Variants in RIF1 observed in about 807,000 individuals in gnomAD.
The protein encoded by RIF1 is telomere-associated protein RIF1.
Under a neutral mutation model 247.1 loss-of-function variants are expected in RIF1, and 45 were observed. The observed-to-expected ratio is 0.18, with a 90% CI of 0.14 to 0.23. The LOEUF is 0.23. Among genes scored for constraint, RIF1 ranks in the 10% least tolerant of loss-of-function variants. The pLI, the probability that RIF1 is intolerant of heterozygous loss-of-function variation, is 1.00. For missense variants in RIF1, 2,967 were observed against 2,862.5 expected, an observed-to-expected ratio of 1.04 and a Z score of -0.83; for synonymous variants, 1,087 against 978.8, an observed-to-expected ratio of 1.11 and a Z score of -2.06.
downstream of RIF1, chr2:151,512,606 A>T (rs763692093): frequency 3.9e-5 from 30 of 764,372 alleles, no homozygotes; most frequent in Non-Finnish European, 6.3e-5. Flanking sequence ...GAGCCACTGC[A>T]CCTGGTGAAT....
At position 151,458,898 on chromosome 2, in the gene RIF1, A is replaced by C; in HGVS notation, c.2943A>C (p.Pro981=). 2 of 1,594,918 alleles carry C rather than the reference A, an allele frequency of 1.3e-6. 1 individual carries two copies. Among genetic ancestry groups the C allele is most frequent in the South Asian group, 2.2e-5 (2 of 89,446 alleles). ...TVEMMEESSG[P]YSDGTENSQL... is the part of the protein sequence containing the mutation. ...AAATGATGGAGGAATCCAGTGGACC[A>C]TATTCTGATGGAGTAAGTTGGGGGG... Residue 981 remains proline, a synonymous_variant, in exon 25 of 36, where the codon CCA becomes CCC. Transcript: ENST00000444746.
Position 151,464,317 on chromosome 2 carries a change from T to G in RIF1, c.4797T>G (p.Asn1599Lys). ...VVKQECIKAE[N>K]QSHDYKATSE... ...AACAGGAATGTATAAAAGCTGAAAA[T>G]CAGTCACATGATTATAAAGCAACTT... is the stretch of plus-strand genomic sequence containing the variant. Residue 1599 changes from asparagine (N) to lysine (K), a missense_variant, in exon 30 of 36, where the codon AAT becomes AAG. Physicochemically the swap from Asn to Lys is moderately conservative, Grantham distance 94 (BLOSUM62 0). Around this residue, in one of 7 missense-constraint regions of RIF1, gnomAD observed 2,028 missense variants for 1,825.6 expected, o/e 1.11. Coordinates refer to ENST00000444746, the MANE Select transcript of RIF1 (RefSeq NM_018151.5). The G allele has an allele frequency of 6.2e-7, 1 of 1,611,480 alleles. No homozygotes were observed. Among genetic ancestry groups the G allele is most frequent in the Non-Finnish European group, 8.5e-7 (1 of 1,179,434 alleles).
rs749100154 is a variant in RIF1, at chr2:151,503,466, A to C, written c.*861+281A>C. 7 of 1,505,198 alleles carry C rather than the reference A, an allele frequency of 4.7e-6. No homozygotes were observed. The African/African-American group carries it at 9.6e-5, about 21-fold the overall frequency. 93.2% of individuals were successfully genotyped at this position (1,505,198 alleles called of 1,614,324 possible). On this transcript the variant is annotated intron_variant and NMD_transcript_variant, in intron 12 of 13. Coordinates refer to the RIF1 transcript ENST00000454583. ...CCTGTAGAAAATAATTAGAATACCC[A>C]GAAAGGTAAAATGACCGTAAATCCT...
At chr2:151,501,727 T>C (rs1272047264) in intron 11 of RIF1, among the ~76,000 whole-genome samples, 6 of 152,084 alleles carry the variant, frequency 3.9e-5, no homozygotes, top group Admixed American at 2.6e-4. Flanking sequence ...GTGGCTTGAC[T>C]TATGTAGGCC....
the RIF1 span, chr2:151,514,453 A>C: frequency 6.6e-7 from 1 of 1,526,532 alleles, no homozygotes; most frequent in Non-Finnish European, 9.1e-7. Flanking sequence ...AAAAGCAACA[A>C]CATTGACAAG....
chr2:151,482,836 T>G (rs1159012118), downstream of RIF1, among the ~76,000 whole-genome samples: 1 of 152,124 alleles, frequency 6.6e-6, no homozygotes, highest in Non-Finnish European at 1.5e-5. Flanking sequence ...GTTTGTTCCT[T>G]CTAAGGACTG....
At position 151,464,157 on chromosome 2, in the gene RIF1, T is replaced by C. The variant is rs772176617; in HGVS notation, c.4637T>C (p.Leu1546Pro). 3.1e-6 allele frequency: 5 copies of C among 1,609,622 alleles called. No homozygotes were observed. The African/African-American group carries it at 5.4e-5, about 17-fold the overall frequency. The stretch of plus-strand genomic sequence containing the variant: ...ACTAGAAGAGCATCTCAGGGTTTGC[T>C]TTCCAGCATTGAAAACTCAGAATCT... ...YQTRRASQGLLSSIENSESDS... is the reference protein window; with the variant it reads ...YQTRRASQGLPSSIENSESDS... The change falls in exon 30 of 36, where the codon CTT (leucine) becomes CCT (proline). Residue 1546 changes from leucine (L) to proline (P), a missense_variant. By Grantham distance (98) the Leu-to-Pro change is moderately conservative (BLOSUM62 -3). Coordinates refer to ENST00000444746, the MANE Select transcript of RIF1 (RefSeq NM_018151.5).
chr2:151,511,728 A>C (rs1007597585), downstream of RIF1, among the ~76,000 whole-genome samples: 1 of 152,194 alleles, frequency 6.6e-6, no homozygotes, highest in African/African-American at 2.4e-5. Context: ...AGGATGGCCT[A>C]CTTTTCTTCA....
intron 34 of RIF1, among the ~76,000 whole-genome samples, chr2:151,472,065 C>T (rs541847947): frequency 6.6e-6 from 1 of 152,232 alleles, no homozygotes; most frequent in African/African-American, 2.4e-5. Context: ...GTTTGTAGTT[C>T]TCCTTGAAGA....
intron 29 of RIF1, 23 bp downstream of exon 29, chr2:151,462,489 TG>T: frequency 6.6e-7 from 1 of 1,516,476 alleles, no homozygotes; most frequent in Admixed American, 1.9e-5. Context: ...TTTCATATTT[TG>T]GGCTTTTTAG....
At chr2:151,429,407 C>T (rs1293608208) in intron 9 of RIF1, among the ~76,000 whole-genome samples, 2 of 152,346 alleles carry the variant, frequency 1.3e-5, no homozygotes, top group Non-Finnish European at 2.9e-5. Flanking sequence ...TCTGGAACTC[C>T]TGACCTCAAG....
intron 3 of RIF1, among the ~76,000 whole-genome samples, chr2:151,414,545 C>T (rs560122639): frequency 1.1e-4 from 17 of 152,310 alleles, no homozygotes; most frequent in African/African-American, 4.1e-4. Flanking sequence ...TCTTTAGCAT[C>T]TTTCATCTGT....
rs2049019220 is a variant in RIF1 at position 151,478,189 on chromosome 2, G to A, written c.*3118G>A. On this transcript the variant is annotated 3_prime_UTR_variant, in exon 36 of 36. Transcript: ENST00000444746. ...TAAAGGATGAATCAGGTTAAATAAT[G>A]CTGTTGGATAATACAGGCAAAAACA... is the stretch of plus-strand genomic sequence containing the variant. 1 of 152,158 alleles carries A rather than the reference G, an allele frequency of 6.6e-6. No individual in the cohort carries two copies. The highest frequency in any genetic ancestry group is 6.5e-5 in the Admixed American group (1 of 15,278). 9.4% of individuals were successfully genotyped at this position (152,158 alleles called of 1,614,324 possible). A position where few individuals can be genotyped will look rare whatever the true frequency, so the allele number is the denominator to read the frequency against.
At chr2:151,419,418 C>T (rs1241738989) in intron 6 of RIF1, among the ~76,000 whole-genome samples, 7 of 151,926 alleles carry the variant, frequency 4.6e-5, no homozygotes, top group South Asian at 2.1e-4. Context: ...CTCCGCCTCC[C>T]GGGTTCAAGC....
Position 151,455,024 on chromosome 2 carries a change from A to T in RIF1, c.2474A>T (p.Asp825Val). 6.2e-7 allele frequency: 1 copy of T among 1,613,866 alleles called. No homozygotes were observed. Among genetic ancestry groups the T allele is most frequent in the Non-Finnish European group, 8.5e-7 (1 of 1,179,858 alleles). ...CTGAGCTTCAAGGAAGCACATTCTG[A>T]TACCCTCTTCACTATTGGCAACTCA... The part of the protein sequence containing the change: ...HTLSFKEAHS[D>V]TLFTIGNSIT... Residue 825 changes from aspartate (D) to valine (V), a missense_variant, in exon 22 of 36, where the codon GAT becomes GTT. By Grantham distance (152) the Asp-to-Val change is radical (BLOSUM62 -3). This residue lies in a region of RIF1 where 2,028 missense variants were observed against 1,825.6 expected (regional missense o/e 1.11). Transcript: ENST00000444746.
At chr2:151,438,487 C>G (rs1166009395) in intron 13 of RIF1, among the ~76,000 whole-genome samples, 197 bp from the exon 14 acceptor site, 1 of 151,980 alleles carries the variant, frequency 6.6e-6, no homozygotes, top group East Asian at 1.9e-4. Context: ...AAAAATAAAC[C>G]ATATTTAGTT....
chr2:151,427,237 A>T (rs763733100), intron 8 of RIF1, among the ~76,000 whole-genome samples: 10 of 149,768 alleles, frequency 6.7e-5, no homozygotes, highest in East Asian at 2.0e-4. Flanking sequence ...TTTGAGACAG[A>T]GTTTCACTCT....
chr2:151,485,606 AACCC>A (rs2049694386), downstream of RIF1: 3 of 634,140 alleles, frequency 4.7e-6, no homozygotes, highest in Non-Finnish European at 7.6e-6. Flanking sequence ...CTTATTTTAA[AACCC>A]AAAGGAGAAA....
At chr2:151,519,230 T>C in the RIF1 span, among the ~76,000 whole-genome samples, 37 of 152,322 alleles carry the variant, frequency 2.4e-4, no homozygotes, top group African/African-American at 6.7e-4. Flanking sequence ...AACCCAAGTG[T>C]CTGTCAGCAG....
Sources: allele counts gnomAD v4.1 joint callset (sites outside exome capture counted in the v4.1 genomes callset), GRCh38; gene constraint gnomAD v4.1.1; regional missense constraint gnomAD v4.1.1; transcripts MANE v1.5; gene names NCBI Gene and HGNC (gene_info 2026-07-23, HGNC 2026-07-21).